Variants in NTSR1 observed in about 807,000 individuals in gnomAD.
NTSR1 encodes the protein neurotensin receptor type 1.
NTSR1 carries 29 observed loss-of-function variants against 31.2 expected under a neutral mutation model. The observed-to-expected ratio is 0.93, with a 90% confidence interval of 0.69 to 1.27. The LOEUF (loss-of-function observed/expected upper bound fraction) is 1.27. NTSR1 is among the 50% of genes most tolerant of loss of function. The pLI is 0.00. For missense variants in NTSR1, 697 were observed against 595.4 expected, an observed-to-expected ratio of 1.17 and a Z score of -1.78; for synonymous variants, 282 against 269.9, an observed-to-expected ratio of 1.04 and a Z score of -0.44.
Position 62,741,871 on chromosome 20 carries a change from G to T in NTSR1, c.715-12814G>T, listed in dbSNP as rs1989213150. The stretch of plus-strand genomic sequence containing the variant: ...CATAGGATGGCCCCTGATGGAGGAA[G>T]TGGGAGCTCAGGCTGTGGGATCAGG... On this transcript the variant is annotated intron_variant, in intron 1 of 3. Transcript: ENST00000370501. This position sits in a 1 kb window ranked among gnomAD's most constrained non-coding sequence, Gnocchi z 4.3. Among the ~76,000 whole-genome samples, 1 of 149,382 alleles carries T rather than the reference G, an allele frequency of 6.7e-6. No individual in the cohort carries two copies. Among genetic ancestry groups the T allele is most frequent in the South Asian group, 2.1e-4 (1 of 4,764 alleles).
intron 1 of NTSR1, among the ~76,000 whole-genome samples, chr20:62,728,429 G>A (rs1214336111): frequency 6.6e-6 from 1 of 152,162 alleles, no homozygotes; most frequent in African/African-American, 2.4e-5. Flanking sequence ...ACAGACAGAC[G>A]TCCCCGCAGG....
At chr20:62,740,649 T>G (rs1158474909) in intron 1 of NTSR1, among the ~76,000 whole-genome samples, 1 of 152,000 alleles carries the variant, frequency 6.6e-6, no homozygotes, top group Admixed American at 6.5e-5. Context: ...GAAACAGGAG[T>G]GCGAGGCCCT....
rs61641058 is a variant in NTSR1 at position 62,748,419 on chromosome 20, G to GAA, written c.715-6258_715-6257dup. Among the ~76,000 whole-genome samples, 127 of 150,890 alleles carry GAA rather than the reference G, an allele frequency of 8.4e-4. 1 individual carries two copies. The highest frequency in any genetic ancestry group is 2.9e-3 in the African/African-American group (119 of 41,102). ...TTCAATGACATTTTACACAGAAATA[G>GAA]AAAAAAAAATCCTAGGATTCATAGT... On this transcript the variant is annotated intron_variant, in intron 1 of 3. Coordinates refer to ENST00000370501, the MANE Select transcript of NTSR1 (RefSeq NM_002531.3).
At position 62,727,439 on chromosome 20, in the gene NTSR1, C is replaced by T. The variant is rs575343166; in HGVS notation, c.714+17518C>T. ...CACAGGCTGTCACCGCCTGGGGCCA[C>T]GGGTTCTGCCCCAGAGATAGCGCCA... On this transcript the variant is annotated intron_variant, in intron 1 of 3. Transcript: ENST00000370501. Among the ~76,000 whole-genome samples the T allele has an allele frequency of 9.8e-5, 15 of 152,346 alleles. No homozygotes were observed. In the South Asian group the frequency reaches 1.0e-3, roughly 11 times the overall value.
rs151120199 is a variant in NTSR1 at position 62,731,170 on chromosome 20, C to T, written c.714+21249C>T. ...CACAATCTCGGCTCACCACAACCTC[C>T]GCCTCCCGGGTTCAAGTGATTCTCC... is the stretch of plus-strand genomic sequence containing the variant. On this transcript the variant is annotated intron_variant, in intron 1 of 3. Coordinates refer to ENST00000370501, the MANE Select transcript of NTSR1 (RefSeq NM_002531.3). Among the ~76,000 whole-genome samples the T allele has an allele frequency of 7.3e-3, 1,109 of 152,236 alleles. 3 individuals are homozygous for T. The highest frequency in any genetic ancestry group is 0.011 in the Non-Finnish European group (781 of 68,018).
chr20:62,758,373 A>G lies in NTSR1; in HGVS notation c.1007+17A>G, dbSNP rs2147150468. Reference sequence around the variant, plus strand: ...GTGGACTCCGTGAGTACCGGGAACCAGGAAGTTGGGTGCTGGACAAGTAAG... The same window carrying G: ...GTGGACTCCGTGAGTACCGGGAACCGGGAAGTTGGGTGCTGGACAAGTAAG... On this transcript the variant is annotated intron_variant, in intron 3 of 3. Coordinates refer to ENST00000370501, the MANE Select transcript of NTSR1 (RefSeq NM_002531.3). The surrounding 1 kb of genome is among the most constrained non-coding windows in gnomAD (Gnocchi z 4.5). 1 of 1,610,810 alleles carries G rather than the reference A, an allele frequency of 6.2e-7. No homozygotes were observed. The highest frequency in any genetic ancestry group is 8.5e-7 in the Non-Finnish European group (1 of 1,177,614).
Position 62,758,530 on chromosome 20 carries a change from G to A in NTSR1, c.1007+174G>A, listed in dbSNP as rs146693018. Among the ~76,000 whole-genome samples, 1 of 152,280 alleles carries A rather than the reference G, an allele frequency of 6.6e-6. No homozygotes were observed. Among genetic ancestry groups the A allele is most frequent in the East Asian group, 1.9e-4 (1 of 5,180 alleles). On this transcript the variant is annotated intron_variant, in intron 3 of 3. Coordinates refer to ENST00000370501, the MANE Select transcript of NTSR1 (RefSeq NM_002531.3). The surrounding 1 kb of genome is among the most constrained non-coding windows in gnomAD (Gnocchi z 4.5). The stretch of plus-strand genomic sequence containing the variant: ...ACTGGGGCCGGGAGAAGGCCATGGA[G>A]GGACAGGTTCAAGGCAGGGGCTATT...
rs1231683424 is a variant in NTSR1, at chr20:62,715,015, G to C, written c.714+5094G>C. On this transcript the variant is annotated intron_variant, in intron 1 of 3. Coordinates refer to ENST00000370501, the MANE Select transcript of NTSR1 (RefSeq NM_002531.3). The surrounding 1 kb of genome is among the most constrained non-coding windows in gnomAD (Gnocchi z 4.7). ...TCAGATTTACTGAAGCGTGATCTGG[G>C]GGAAGGGGCTGTGGGAGGGCTACAG... 6.6e-6 allele frequency among the ~76,000 whole-genome samples: 1 copy of C among 152,196 alleles called. No homozygotes were observed. Among genetic ancestry groups the C allele is most frequent in the Non-Finnish European group, 1.5e-5 (1 of 68,042 alleles).
chr20:62,713,342 G>A (rs1220371270), intron 1 of NTSR1, among the ~76,000 whole-genome samples: 1 of 152,222 alleles, frequency 6.6e-6, no homozygotes, highest in Non-Finnish European at 1.5e-5. Context: ...GCCTCAATTT[G>A]TGCAGGAGGC....
Position 62,732,007 on chromosome 20 carries a change from G to A in NTSR1, c.714+22086G>A, listed in dbSNP as rs1989008764. ...TGGTGGCAGGTGCCTGAAATCCCAA[G>A]TACTCAAGAGGCTGAGGCAGGAGAA... On this transcript the variant is annotated intron_variant, in intron 1 of 3. Transcript: ENST00000370501. This position sits in a 1 kb window ranked among gnomAD's most constrained non-coding sequence, Gnocchi z 4.0. Among the ~76,000 whole-genome samples the A allele has an allele frequency of 6.6e-6, 1 of 151,834 alleles. No homozygotes were observed. The highest frequency in any genetic ancestry group is 1.5e-5 in the Non-Finnish European group (1 of 67,982).
intron 1 of NTSR1, among the ~76,000 whole-genome samples, chr20:62,723,657 C>CCTGCA (rs1872399840): frequency 6.6e-6 from 1 of 152,198 alleles, no homozygotes; most frequent in Non-Finnish European, 1.5e-5. Context: ...ACTGCCCTGC[C>CCTGCA]CTGCACCCTT....
At chr20:62,726,044 A>T (rs1029375346) in intron 1 of NTSR1, among the ~76,000 whole-genome samples, 1 of 152,204 alleles carries the variant, frequency 6.6e-6, no homozygotes, top group Non-Finnish European at 1.5e-5. Context: ...CGGGGGCAGC[A>T]TTTGGGGTAG....
At chr20:62,720,786 A>C (rs186632501) in intron 1 of NTSR1, among the ~76,000 whole-genome samples, 9 of 152,296 alleles carry the variant, frequency 5.9e-5, no homozygotes, top group Admixed American at 2.0e-4. Flanking sequence ...AATGCTATAA[A>C]CATCCTCCTA....
At chr20:62,724,439 G>T (rs3915941) in intron 1 of NTSR1, among the ~76,000 whole-genome samples, 138,540 of 152,048 alleles carry the variant, frequency 0.91, 63,309 homozygotes, top group East Asian at 1. Flanking sequence ...CAGACAAGGT[G>T]CAGGGCACCC....
intron 1 of NTSR1, among the ~76,000 whole-genome samples, chr20:62,710,777 G>A (rs1988594739): frequency 6.6e-6 from 1 of 152,202 alleles, no homozygotes; most frequent in Admixed American, 6.5e-5. Context: ...GCCCCGAGCA[G>A]GAGGCTGGTG....
At position 62,760,402 on chromosome 20, in the gene NTSR1, A is replaced by AT. The variant is rs1989598656; in HGVS notation, c.*135_*136insT. The AT allele has an allele frequency of 1.2e-6, 1 of 861,404 alleles. No homozygotes were observed. Among genetic ancestry groups the AT allele is most frequent in the African/African-American group, 2.3e-5 (1 of 44,056 alleles). The allele number at this position is 861,404 out of a possible 1,614,324, so 53.4% of individuals were successfully genotyped here. On this transcript the variant is annotated 3_prime_UTR_variant, in exon 4 of 4. Transcript: ENST00000370501. ...CCTGCACTGGAGTCTGAGGCCTGGG[A>AT]CCCCCCCCTCCCACCCCCTAACCCA...
In NTSR1 at chr20:62,714,364, G is replaced by A. The variant is rs911035328; in HGVS notation, c.714+4443G>A. On this transcript the variant is annotated intron_variant, in intron 1 of 3. Transcript: ENST00000370501. The surrounding 1 kb of genome is among the most constrained non-coding windows in gnomAD (Gnocchi z 4.1). ...TTTTTCCTGCCTTTTCTATTCAAAC[G>A]GTACTTTAGAATAACCCAAGAGTAG... Among the ~76,000 whole-genome samples, 1 of 152,172 alleles carries A rather than the reference G, an allele frequency of 6.6e-6. No homozygotes were observed. The highest frequency in any genetic ancestry group is 1.5e-5 in the Non-Finnish European group (1 of 68,040).
At chr20:62,731,246 A>G (rs140211718) in intron 1 of NTSR1, among the ~76,000 whole-genome samples, 7 of 152,080 alleles carry the variant, frequency 4.6e-5, no homozygotes, top group African/African-American at 1.7e-4. Context: ...CACCATGCCC[A>G]GCTAATTTTG....
chr20:62,714,882 A>C lies in NTSR1; in HGVS notation c.714+4961A>C, dbSNP rs2147131867. On this transcript the variant is annotated intron_variant, in intron 1 of 3. Coordinates refer to ENST00000370501, the MANE Select transcript of NTSR1 (RefSeq NM_002531.3). This position sits in a 1 kb window ranked among gnomAD's most constrained non-coding sequence, Gnocchi z 4.1. The stretch of plus-strand genomic sequence containing the variant: ...CAGCAAAAAAGCCTAGGTAGTGAAT[A>C]GCTACAAATTCTTGTTGTCCAGAGC... Among the ~76,000 whole-genome samples the C allele has an allele frequency of 6.6e-6, 1 of 152,358 alleles. No homozygotes were observed. Among genetic ancestry groups the C allele is most frequent in the South Asian group, 2.1e-4 (1 of 4,828 alleles).
Sources: allele counts gnomAD v4.1 joint callset (sites outside exome capture counted in the v4.1 genomes callset), GRCh38; gene constraint gnomAD v4.1.1; non-coding constraint Gnocchi (gnomAD v3.1); transcripts MANE v1.5; gene names NCBI Gene and HGNC (gene_info 2026-07-23, HGNC 2026-07-21).